Variants in BACH2 observed in about 807,000 individuals in gnomAD.
BACH2 encodes transcription regulator protein BACH2.
Under a neutral mutation model 61.8 loss-of-function variants are expected in BACH2, and 5 were observed. The observed-to-expected ratio is 0.08, with a 90% CI of 0.04 to 0.17. The LOEUF is 0.17. BACH2 is among the 10% of genes least tolerant of loss of function. The pLI, the probability that BACH2 is intolerant of heterozygous loss-of-function variation, is 1.00. For missense variants in BACH2, 824 were observed against 1,091.1 expected (o/e 0.76, Z 3.45); for synonymous variants, 446 against 440.1 (o/e 1.01, Z -0.17).
chr6:90,164,581 G>C (rs1767539717), intron 4 of BACH2, among the ~76,000 whole-genome samples: 1 of 152,132 alleles, frequency 6.6e-6, no homozygotes, highest in South Asian at 2.1e-4. Flanking sequence ...GCATCATCCT[G>C]ATACCAAAGC....
intron 8 of BACH2, among the ~76,000 whole-genome samples, chr6:89,935,474 A>G (rs1772964062): frequency 6.6e-6 from 1 of 152,148 alleles, no homozygotes; most frequent in East Asian, 1.9e-4. Context: ...GGGGGAAGAA[A>G]ATGAGGTGCC....
At chr6:90,149,955 T>C (rs575930321) in intron 4 of BACH2, among the ~76,000 whole-genome samples, 1 of 152,326 alleles carries the variant, frequency 6.6e-6, no homozygotes, top group Admixed American at 6.5e-5. Flanking sequence ...TGCCATTAAA[T>C]GGGAGGTCTT....
chr6:90,260,864 C>T (rs1176421903), intron 2 of BACH2, among the ~76,000 whole-genome samples: 1 of 152,160 alleles, frequency 6.6e-6, no homozygotes, highest in Non-Finnish European at 1.5e-5. Context: ...GATTCCAACA[C>T]AGTTCCAAGA....
intron 5 of BACH2, among the ~76,000 whole-genome samples, chr6:90,059,526 A>G (rs13217118): frequency 5.9e-5 from 9 of 152,114 alleles, no homozygotes; most frequent in Middle Eastern, 3.2e-3. Flanking sequence ...CACTGTTGGT[A>G]GGACTGTAAA....
intron 5 of BACH2, among the ~76,000 whole-genome samples, chr6:90,058,471 A>G (rs1780492474): frequency 6.6e-6 from 1 of 152,236 alleles, no homozygotes; most frequent in African/African-American, 2.4e-5. Flanking sequence ...GTGAAATAAA[A>G]GAGGATATAA....
At chr6:90,107,031 C>T (rs1782952155) in intron 4 of BACH2, among the ~76,000 whole-genome samples, 1 of 152,150 alleles carries the variant, frequency 6.6e-6, no homozygotes, top group Non-Finnish European at 1.5e-5. Context: ...GGCCACTGTC[C>T]TTTAAAAATA....
At chr6:89,945,742 GA>G (rs1773683701) in intron 7 of BACH2, among the ~76,000 whole-genome samples, 1 of 152,144 alleles carries the variant, frequency 6.6e-6, no homozygotes, top group African/African-American at 2.4e-5. Flanking sequence ...ACCTGTGCAA[GA>G]TAGACATACA....
chr6:90,088,917 TA>T (rs1176565369), intron 5 of BACH2, 43 bp downstream of exon 5: 4 of 152,314 alleles, frequency 2.6e-5, no homozygotes, highest in Admixed American at 2.0e-4. Flanking sequence ...AGAAAATATT[TA>T]TCATTGTTTA....
chr6:90,017,789 A>C (rs1008468035), intron 5 of BACH2, among the ~76,000 whole-genome samples: 1 of 152,162 alleles, frequency 6.6e-6, no homozygotes, highest in Non-Finnish European at 1.5e-5. Context: ...CTTCTGGTTC[A>C]GTTTTTATTG....
At position 89,977,860 on chromosome 6, in the gene BACH2, C is replaced by T. The variant is rs530249681; in HGVS notation, c.244-25998G>A. ...CTTGCTAAATGAGGATCCAAGCTGTCCTGTACGAAGACTGTTACTAATAAA... is the reference window on the plus strand; with the variant it reads ...CTTGCTAAATGAGGATCCAAGCTGTTCTGTACGAAGACTGTTACTAATAAA... On this transcript the variant is annotated intron_variant, in intron 6 of 8. Transcript: ENST00000257749. Among the ~76,000 whole-genome samples, 4 of 152,276 alleles carry T rather than the reference C, an allele frequency of 2.6e-5. No individual in the cohort carries two copies. In the East Asian group the frequency reaches 5.8e-4, roughly 22 times the overall value.
chr6:90,056,353 C>CA (rs1780350436), intron 5 of BACH2, among the ~76,000 whole-genome samples: 1 of 152,064 alleles, frequency 6.6e-6, no homozygotes, highest in African/African-American at 2.4e-5. Flanking sequence ...TTTAAACAAA[C>CA]AAAGATCAAA....
intron 5 of BACH2, among the ~76,000 whole-genome samples, chr6:90,017,283 G>A (rs1028518066): frequency 6.6e-6 from 1 of 151,782 alleles, no homozygotes; most frequent in South Asian, 2.1e-4. Flanking sequence ...TCAGTGGTGT[G>A]ACTTTGGCTC....
intron 4 of BACH2, among the ~76,000 whole-genome samples, chr6:90,096,564 A>G (rs1782388672): frequency 6.6e-6 from 1 of 152,230 alleles, no homozygotes; most frequent in African/African-American, 2.4e-5. Context: ...CCTGGCACAA[A>G]CTTGAATGAA....
intron 3 of BACH2, among the ~76,000 whole-genome samples, chr6:90,214,751 CTTTTTTTT>C (rs563651580): frequency 7.4e-5 from 7 of 94,308 alleles, no homozygotes; most frequent in Admixed American, 5.2e-4. Flanking sequence ...GATTCTGTTC[CTTTTTTTT>C]TTTTTTTTTT....
chr6:90,295,814 GATCC>G (rs2127896913), intron 1 of BACH2, among the ~76,000 whole-genome samples: 1 of 152,220 alleles, frequency 6.6e-6, no homozygotes, highest in Non-Finnish European at 1.5e-5. Context: ...GGAGAGATTC[GATCC>G]AGGTCTGCGC....
chr6:90,254,887 T>C (rs143730322), intron 2 of BACH2, among the ~76,000 whole-genome samples: 9 of 152,314 alleles, frequency 5.9e-5, no homozygotes, highest in Middle Eastern at 3.4e-3. Flanking sequence ...CCCCTGAGCA[T>C]TGATATAACT....
chr6:90,128,534 T>C (rs904912530), intron 4 of BACH2, among the ~76,000 whole-genome samples: 2 of 152,174 alleles, frequency 1.3e-5, no homozygotes, highest in African/African-American at 4.8e-5. Flanking sequence ...TGAGCCAAGA[T>C]CGTGCCACTG....
chr6:90,093,351 T>C (rs1165689903), intron 4 of BACH2, among the ~76,000 whole-genome samples: 1 of 152,122 alleles, frequency 6.6e-6, no homozygotes, highest in Non-Finnish European at 1.5e-5. Flanking sequence ...TGAGTGCACA[T>C]CAGGGTCACA....
At chr6:90,109,196 T>C (rs1459683479) in intron 4 of BACH2, among the ~76,000 whole-genome samples, 6 of 152,204 alleles carry the variant, frequency 3.9e-5, no homozygotes, top group Non-Finnish European at 8.8e-5. Context: ...GAAACTGCTT[T>C]TATGAAGGTT....
Sources: gnomAD v4.1 joint callset for allele counts (sites outside exome capture counted in the v4.1 genomes callset) on GRCh38, gnomAD v4.1.1 for gene constraint, MANE v1.5 for transcripts, NCBI Gene and HGNC (gene_info 2026-07-23, HGNC 2026-07-21) for gene names.